ENPP1: variants seen among roughly 807,000 people sequenced by gnomAD.
The protein encoded by ENPP1 is ectonucleotide pyrophosphatase/phosphodiesterase family member 1.
ENPP1 carries 73 observed loss-of-function variants against 122.8 expected under a neutral mutation model. That is an observed-to-expected ratio of 0.59 (90% confidence interval 0.49 to 0.72). The LOEUF (loss-of-function observed/expected upper bound fraction) is 0.72, where lower values mean the gene tolerates loss of function less well. ENPP1 is among the 30% of genes least tolerant of loss of function. ENPP1 has a pLI of 0.00. For missense variants in ENPP1, 978 were observed against 1,128.1 expected (o/e 0.87, Z 1.91); for synonymous variants, 367 against 391.6 (o/e 0.94, Z 0.74).
chr6:131,815,831 A>G lies in ENPP1; in HGVS notation c.240+7556A>G, dbSNP rs1006683237. 9.2e-4 allele frequency among the ~76,000 whole-genome samples: 137 copies of G among 148,250 alleles called. 3 individuals are homozygous for G. Among genetic ancestry groups the G allele is most frequent in the Non-Finnish European group, 4.4e-4 (30 of 67,458 alleles). On this transcript the variant is annotated intron_variant, in intron 1 of 24. Coordinates refer to ENST00000647893, the MANE Select transcript of ENPP1 (RefSeq NM_006208.3). ...GTGATTATCCTGCCTTAGCCTCCTG[A>G]GTAGCTGGGATTACAGGCGCACACC...
intron 1 of ENPP1, among the ~76,000 whole-genome samples, chr6:131,834,575 C>T (rs954721178): frequency 1.3e-5 from 2 of 149,770 alleles, no homozygotes; most frequent in South Asian, 2.1e-4. Context: ...CTGTCGCCCA[C>T]GCTGGAGTGC....
chr6:131,872,033 C>A (rs750207388), intron 13 of ENPP1, 37 bp from the exon 14 acceptor site: 13 of 1,452,274 alleles, frequency 9.0e-6, no homozygotes, highest in Non-Finnish European at 1.2e-5. Flanking sequence ...TTATAGTATA[C>A]AATCAACTAT....
rs556854050 is a variant in ENPP1 at position 131,869,345 on chromosome 6, T to G, written c.1274-13T>G. On this transcript the variant is annotated splice_polypyrimidine_tract_variant and intron_variant, in intron 12 of 24. Coordinates refer to ENST00000647893, the MANE Select transcript of ENPP1 (RefSeq NM_006208.3). Reference sequence around the variant, plus strand: ...AAGTTACAGCATGTTTTGGGATTTTTTTTTTCTCCTAGGCATGGAACAAGG... The same window carrying G: ...AAGTTACAGCATGTTTTGGGATTTTGTTTTTCTCCTAGGCATGGAACAAGG... 1.9e-6 allele frequency: 3 copies of G among 1,612,906 alleles called. No individual in the cohort carries two copies. The African/African-American group carries it at 4.0e-5, about 22-fold the overall frequency.
intron 24 of ENPP1, among the ~76,000 whole-genome samples, chr6:131,887,968 C>T (rs1782409723): frequency 6.8e-6 from 1 of 147,888 alleles, no homozygotes; most frequent in Admixed American, 6.9e-5. Context: ...TCAAGCGATT[C>T]TCCTGCCTCA....
chr6:131,853,939 A>G (rs757242817), intron 5 of ENPP1, among the ~76,000 whole-genome samples: 14 of 152,108 alleles, frequency 9.2e-5, no homozygotes, highest in Non-Finnish European at 1.8e-4. Flanking sequence ...CCTTTTTGAA[A>G]TTTCCACACT....
At chr6:131,885,093 TAGG>T in intron 23 of ENPP1, 30 bp downstream of exon 23, 1 of 1,609,172 alleles carries the variant, frequency 6.2e-7, no homozygotes, top group East Asian at 2.2e-5. Flanking sequence ...CTCTTAAAAA[TAGG>T]AATTACCATC....
chr6:131,881,643 G>C (rs1054727436), intron 20 of ENPP1, among the ~76,000 whole-genome samples: 2 of 152,050 alleles, frequency 1.3e-5, no homozygotes, highest in African/African-American at 2.4e-5. Context: ...CAACACTTTG[G>C]GGGGCTGAGG....
intron 5 of ENPP1, among the ~76,000 whole-genome samples, chr6:131,854,171 G>A (rs927401197): frequency 2.6e-5 from 4 of 152,202 alleles, no homozygotes; most frequent in African/African-American, 7.2e-5. Context: ...TTGGGAGGCC[G>A]AGGTGGGAAG....
chr6:131,849,374 A>C (rs1485615210), intron 2 of ENPP1, among the ~76,000 whole-genome samples: 3 of 152,192 alleles, frequency 2.0e-5, no homozygotes, highest in Admixed American at 2.0e-4. Flanking sequence ...AATGGAAATC[A>C]GGCCTAGCTG....
intron 9 of ENPP1, 72 bp downstream of exon 9, chr6:131,861,776 G>T: frequency 1.2e-6 from 1 of 867,680 alleles, no homozygotes; most frequent in Non-Finnish European, 2.0e-6. Flanking sequence ...CCTTTTTATT[G>T]AATCCTGAGC....
At chr6:131,882,721 A>G (rs1226556645) in intron 21 of ENPP1, among the ~76,000 whole-genome samples, 1 of 149,682 alleles carries the variant, frequency 6.7e-6, no homozygotes, top group African/African-American at 2.4e-5. Flanking sequence ...TTGGTCTAGA[A>G]CTACCAAGGG....
At position 131,852,159 on chromosome 6, in the gene ENPP1, C is replaced by G. The variant is rs1163035774; in HGVS notation, c.557-16C>G. ...CTGTTAAGTGTGTTCATTTTATTTT[C>G]TTGAAAATATTTTAGGTGAGAAAAG... On this transcript the variant is annotated splice_polypyrimidine_tract_variant and intron_variant, in intron 4 of 24. Transcript: ENST00000647893. The G allele has an allele frequency of 6.4e-7, 1 of 1,553,530 alleles. No individual in the cohort carries two copies. Among genetic ancestry groups the G allele is most frequent in the South Asian group, 1.1e-5 (1 of 89,824 alleles).
chr6:131,838,065 G>T (rs1781698763), intron 1 of ENPP1, among the ~76,000 whole-genome samples: 1 of 151,956 alleles, frequency 6.6e-6, no homozygotes, highest in Admixed American at 6.6e-5. Flanking sequence ...TTTAGATTCA[G>T]GTAGCTTATT....
rs371695495 is a variant in ENPP1 at position 131,850,104 on chromosome 6, C to G, written c.428C>G (p.Pro143Arg). ...GATTACCAGGAGACGTGCATAGAAC[C>G]AGGTAAGGATGAGCAGGGAAAAAAG... ...CLDYQETCIE[P>R]EHIWTCNKFR... The change falls in exon 3 of 25, where the codon CCA becomes CGA. Residue 143 changes from proline to arginine, a missense_variant and splice_region_variant. Pro to Arg is a moderately radical substitution (Grantham distance 103). Transcript: ENST00000647893. 3.9e-5 allele frequency: 63 copies of G among 1,597,002 alleles called. No individual in the cohort carries two copies. The highest frequency in any genetic ancestry group is 5.1e-5 in the Non-Finnish European group (59 of 1,164,598).
intron 1 of ENPP1, among the ~76,000 whole-genome samples, chr6:131,809,120 G>A (rs1439941683): frequency 6.6e-6 from 1 of 152,140 alleles, no homozygotes; most frequent in East Asian, 1.9e-4. Context: ...ACTCCCTTGT[G>A]CATTGCATGG....
rs565168825 is a variant in ENPP1, at chr6:131,885,677, G to GACTGAGATTCC, written c.2444+625_2444+635dup. On this transcript the variant is annotated intron_variant, in intron 23 of 24. Transcript: ENST00000647893. ...TTTGCTGTTAAGTCCGTAGGAAAAA[G>GACTGAGATTCC]ACTGAGATTCCACTGAGATTCAGCC... Among the ~76,000 whole-genome samples, 50 of 152,322 alleles carry GACTGAGATTCC rather than the reference G, an allele frequency of 3.3e-4. 1 individual carries two copies. Among genetic ancestry groups the GACTGAGATTCC allele is most frequent in the Admixed American group, 2.9e-3 (44 of 15,302 alleles).
intron 1 of ENPP1, among the ~76,000 whole-genome samples, chr6:131,818,492 G>GA (rs1173505350): frequency 6.6e-6 from 1 of 151,666 alleles, no homozygotes; most frequent in African/African-American, 2.4e-5. Context: ...TAAAAATACA[G>GA]AAAAAATTAG....
At chr6:131,840,055 T>C (rs1398183817) in intron 1 of ENPP1, among the ~76,000 whole-genome samples, 1 of 152,216 alleles carries the variant, frequency 6.6e-6, no homozygotes, top group African/African-American at 2.4e-5. Context: ...TTTTATGGCA[T>C]TTGTTTTAGG....
At chr6:131,854,901 T>A in intron 5 of ENPP1, 25 bp from the exon 6 acceptor site, 2 of 1,471,502 alleles carry the variant, frequency 1.4e-6, no homozygotes, top group Non-Finnish European at 1.9e-6. Flanking sequence ...TCTTTAAACA[T>A]TTTTTTTTCT....
Sources: allele counts gnomAD v4.1 joint callset (sites outside exome capture counted in the v4.1 genomes callset), GRCh38; gene constraint gnomAD v4.1.1; transcripts MANE v1.5; gene names NCBI Gene and HGNC (gene_info 2026-07-23, HGNC 2026-07-21).